TACC2: variants seen among roughly 807,000 people sequenced by gnomAD.
TACC2 encodes transforming acidic coiled-coil-containing protein 2.
In TACC2, 137 loss-of-function variants were observed where a neutral mutation model predicts 227.3. The ratio of observed to expected loss-of-function variants is 0.60; its 90% confidence interval spans 0.52 to 0.69. The LOEUF (loss-of-function observed/expected upper bound fraction) is 0.69, where lower values mean the gene tolerates loss of function less well. Among genes scored for constraint, TACC2 ranks in the 30% least tolerant of loss-of-function variants. The pLI is 0.00. For synonymous variants in TACC2, 1,523 were observed against 1,487.5 expected (o/e 1.02, Z -0.55); for missense variants, 3,470 against 3,694.4 (o/e 0.94, Z 1.57).
Position 122,087,357 on chromosome 10 carries a change from T to C in TACC2, c.4857T>C (p.Ala1619=), listed in dbSNP as rs368179089. Residue 1619 remains alanine, a synonymous_variant, in exon 4 of 23, where the codon GCT becomes GCC. Coordinates refer to ENST00000369005, the MANE Select transcript of TACC2 (RefSeq NM_206862.4). ...GAGAAGATGGTCCCGGGGACTTTGC[T>C]CACACAGGGGTTCCAGGACATGTGC... ...PHGEDGPGDF[A]HTGVPGHVPR... The C allele has an allele frequency of 1.2e-6, 2 of 1,613,900 alleles. No individual in the cohort carries two copies. Among genetic ancestry groups the C allele is most frequent in the East Asian group, 2.2e-5 (1 of 44,890 alleles).
chr10:122,232,523 C>T (rs1404452009), intron 16 of TACC2, among the ~76,000 whole-genome samples: 2 of 152,146 alleles, frequency 1.3e-5, no homozygotes, highest in Non-Finnish European at 2.9e-5. Context: ...GTATATAGGT[C>T]GGAGAGGCAG....
rs547400868 is a variant in TACC2 at position 122,199,561 on chromosome 10, C to T, written c.5971+4385C>T. Among the ~76,000 whole-genome samples the T allele has an allele frequency of 1.0e-3, 153 of 152,272 alleles. No individual in the cohort carries two copies. In the South Asian group the frequency reaches 0.029, roughly 29 times the overall value. On this transcript the variant is annotated intron_variant, in intron 8 of 22. Transcript: ENST00000369005. ...GGCACAGGGGTGGGTGTCACCATGGCGTGTGAAGAGCAGGGGGCTGTGGTT... is the reference window on the plus strand; with the variant it reads ...GGCACAGGGGTGGGTGTCACCATGGTGTGTGAAGAGCAGGGGGCTGTGGTT...
At chr10:122,176,117 C>CTCTCTATA (rs1447382017) in intron 7 of TACC2, among the ~76,000 whole-genome samples, 70 of 54,648 alleles carry the variant, frequency 1.3e-3, no homozygotes, top group Non-Finnish European at 1.7e-3. Flanking sequence ...CTCTCTCTCT[C>CTCTCTATA]TATATATATA....
intron 9 of TACC2, 132 bp from the exon 10 acceptor site, chr10:122,215,259 G>A: frequency 1.3e-6 from 1 of 770,696 alleles, no homozygotes; most frequent in East Asian, 2.5e-5. Flanking sequence ...CGCTGGTGCT[G>A]GAGTGACAGA....
intron 3 of TACC2, among the ~76,000 whole-genome samples, chr10:122,077,153 A>C (rs947880548): frequency 1.3e-5 from 2 of 150,840 alleles, no homozygotes; most frequent in African/African-American, 4.9e-5. Context: ...ATAATCTTCT[A>C]GTGAAACAAC....
Position 122,132,654 on chromosome 10 carries a change from C to G in TACC2, c.5619C>G (p.Asp1873Glu). The G allele has an allele frequency of 6.2e-7, 1 of 1,614,196 alleles. No homozygotes were observed. Among genetic ancestry groups the G allele is most frequent in the East Asian group, 2.2e-5 (1 of 44,884 alleles). ...DDIIQPAAPA[D>E]LESPTLAASS... The stretch of plus-strand genomic sequence containing the variant: ...TCATCCAGCCCGCTGCCCCCGCAGA[C>G]CTGGAAAGCCCAACCTTAGCTGCCT... Residue 1873 changes from aspartate to glutamate, a missense_variant, in exon 6 of 23, where the codon GAC becomes GAG. Coordinates refer to ENST00000369005, the MANE Select transcript of TACC2 (RefSeq NM_206862.4).
rs372562454 is a variant in TACC2, at chr10:122,031,654, T to C, written c.33+9640T>C. Among the ~76,000 whole-genome samples the C allele has an allele frequency of 5.2e-4, 79 of 151,994 alleles. No individual in the cohort carries two copies. In the South Asian group the frequency reaches 0.015, roughly 29 times the overall value. Reference sequence around the variant, plus strand: ...TCCTGACCTTGTGATCCACCCGCCTTGGCCTCCCAAAGTGCTGGGATTACA... The same window carrying C: ...TCCTGACCTTGTGATCCACCCGCCTCGGCCTCCCAAAGTGCTGGGATTACA... On this transcript the variant is annotated intron_variant, in intron 2 of 22. Transcript: ENST00000369005.
rs960761336 is a variant in TACC2, at chr10:122,050,035, G to A, written c.34-403G>A. Among the ~76,000 whole-genome samples the A allele has an allele frequency of 2.0e-5, 3 of 152,064 alleles. No individual in the cohort carries two copies. Among genetic ancestry groups the A allele is most frequent in the Admixed American group, 6.6e-5 (1 of 15,264 alleles). ...CTGAATTCTGGTATGTGAAGCCATC[G>A]GTGGTGGCGGGAGGAAAATGTGTTT... is the stretch of plus-strand genomic sequence containing the variant. On this transcript the variant is annotated intron_variant, in intron 2 of 22. Coordinates refer to ENST00000369005, the MANE Select transcript of TACC2 (RefSeq NM_206862.4). This position sits in a 1 kb window ranked among gnomAD's most constrained non-coding sequence, Gnocchi z 4.6.
At chr10:122,102,555 T>C (rs2082293575) in intron 5 of TACC2, among the ~76,000 whole-genome samples, 1 of 152,238 alleles carries the variant, frequency 6.6e-6, no homozygotes, top group African/African-American at 2.4e-5. Flanking sequence ...TAGAGAAAGT[T>C]GTTTTTCTGC....
intron 12 of TACC2, among the ~76,000 whole-genome samples, 196 bp downstream of exon 12, chr10:122,224,983 T>A (rs2095597545): frequency 6.6e-6 from 1 of 151,940 alleles, no homozygotes; most frequent in African/African-American, 2.4e-5. Context: ...CGTTTGACAT[T>A]TTCAGGGAGA....
Position 122,210,801 on chromosome 10 carries a change from C to A in TACC2, c.6376C>A (p.Arg2126=), listed in dbSNP as rs2095273537. 1 of 1,612,708 alleles carries A rather than the reference C, an allele frequency of 6.2e-7. No homozygotes were observed. Among genetic ancestry groups the A allele is most frequent in the Non-Finnish European group, 8.5e-7 (1 of 1,179,802 alleles). Residue 2126 remains arginine (R), a synonymous_variant, in exon 9 of 23, where the codon CGA becomes AGA. Coordinates refer to ENST00000369005, the MANE Select transcript of TACC2 (RefSeq NM_206862.4). The surrounding 1 kb of genome is among the most constrained non-coding windows in gnomAD (Gnocchi z 4.6). ...GSSSASSTLK[R]TKKPRPPSLK... The stretch of plus-strand genomic sequence containing the variant: ...CAGCAGTGCTTCTAGTACCCTTAAG[C>A]GAACTAAAAAACCGAGGCCGCCTTC...
intron 5 of TACC2, among the ~76,000 whole-genome samples, chr10:122,108,749 T>C (rs561147010): frequency 9.9e-5 from 15 of 151,070 alleles, no homozygotes; most frequent in African/African-American, 3.6e-4. Flanking sequence ...TCTTCTTTTT[T>C]TCTTTTCTTG....
intron 7 of TACC2, 48 bp downstream of exon 7, chr10:122,143,754 G>A (rs746362912): frequency 1.3e-6 from 2 of 1,592,234 alleles, no homozygotes; most frequent in East Asian, 4.5e-5. Flanking sequence ...GAGAGCAGGG[G>A]CCTGGTGGTC....
In TACC2 at chr10:122,237,941, C is replaced by T. The variant is rs535201065; in HGVS notation, c.8272-20C>T. 6.3e-7 allele frequency: 1 copy of T among 1,596,436 alleles called. No homozygotes were observed. Among genetic ancestry groups the T allele is most frequent in the East Asian group, 2.2e-5 (1 of 44,806 alleles). The stretch of plus-strand genomic sequence containing the variant: ...TCACTCATTTGGGGCTAACCTTTCT[C>T]TTCTTCTCTCTGAAACTAGATCATA... On this transcript the variant is annotated intron_variant, in intron 17 of 22. Coordinates refer to ENST00000369005, the MANE Select transcript of TACC2 (RefSeq NM_206862.4).
intron 5 of TACC2, chr10:122,113,156 G>A (rs531128170): frequency 6.6e-6 from 1 of 152,274 alleles, no homozygotes; most frequent in East Asian, 2.0e-4. Flanking sequence ...GGAAAACCCA[G>A]CGCCCCCGGG....
intron 1 of TACC2, among the ~76,000 whole-genome samples, chr10:122,005,106 G>A (rs572322211): frequency 3.3e-5 from 5 of 151,724 alleles, no homozygotes; most frequent in African/African-American, 1.2e-4. Context: ...TTTTGAGACA[G>A]AGTCTCACCT....
intron 6 of TACC2, among the ~76,000 whole-genome samples, chr10:122,140,609 G>A (rs902427622): frequency 6.6e-6 from 1 of 152,240 alleles, no homozygotes; most frequent in Non-Finnish European, 1.5e-5. Context: ...CTCTCTCTGG[G>A]CTGGGTTTGG....
intron 1 of TACC2, among the ~76,000 whole-genome samples, chr10:122,005,692 T>C (rs1327025348): frequency 7.0e-6 from 1 of 143,082 alleles, no homozygotes; most frequent in African/African-American, 2.5e-5. Context: ...CCTTTTTTTT[T>C]TTTTTCTTTT....
At chr10:122,132,554 CA>C in intron 5 of TACC2, 54 bp from the exon 6 acceptor site, 2 of 1,607,648 alleles carry the variant, frequency 1.2e-6, no homozygotes, top group Non-Finnish European at 1.7e-6. Context: ...CGTCTCAAAA[CA>C]AAAACTTGTA....
Sources: gnomAD v4.1 joint callset for allele counts (sites outside exome capture counted in the v4.1 genomes callset) on GRCh38, gnomAD v4.1.1 for gene constraint, Gnocchi (gnomAD v3.1) non-coding constraint, MANE v1.5 for transcripts, NCBI Gene and HGNC (gene_info 2026-07-23, HGNC 2026-07-21) for gene names.